The following SVIL variants were observed in gnomAD, a reference collection of about 807,000 sequenced individuals.
SVIL encodes the protein supervillin.
Under a neutral mutation model 240.4 loss-of-function variants are expected in SVIL, and 101 were observed. The ratio of observed to expected loss-of-function variants is 0.42; its 90% CI spans 0.36 to 0.50. The LOEUF (loss-of-function observed/expected upper bound fraction) is 0.50. Ranked by LOEUF, SVIL falls within the 20% of genes least tolerant of loss-of-function variation. The pLI, the probability that SVIL is intolerant of heterozygous loss-of-function variation, is 0.01. For synonymous variants in SVIL, 999 were observed against 1,100.0 expected (o/e 0.91, Z 1.82); for missense variants, 2,512 against 2,818.7 (o/e 0.89, Z 2.46).
At position 29,530,648 on chromosome 10, in the gene SVIL, G is replaced by A. The variant is rs776864308; in HGVS notation, c.2065C>T (p.Arg689Ter). The A allele has an allele frequency of 5.6e-6, 9 of 1,613,972 alleles. No homozygotes were observed. The highest frequency in any genetic ancestry group is 2.2e-5 in the East Asian group (1 of 44,902). ...TVDDEEKVDE[R>*]AKLSVAAKRL... ...TTGGCGGCGACGCTCAGCTTGGCTC[G>A]TTCATCCACCTTTTCTTCATCTGCA... Residue 689 changes from arginine to a stop codon, truncating the protein, a stop_gained, in exon 11 of 38, where the codon CGA becomes TGA. Coordinates refer to ENST00000355867, the MANE Select transcript of SVIL (RefSeq NM_021738.3). LOFTEE classifies it high-confidence loss of function.
intron 16 of SVIL, among the ~76,000 whole-genome samples, chr10:29,520,430 TCTC>T (rs1950487246): frequency 6.6e-6 from 1 of 152,166 alleles, no homozygotes; most frequent in African/African-American, 2.4e-5. Flanking sequence ...AAGACATCCC[TCTC>T]CTCATTGCAC....
intron 3 of SVIL, among the ~76,000 whole-genome samples, chr10:29,651,994 C>T (rs1564737024): frequency 6.6e-6 from 1 of 150,398 alleles, no homozygotes; most frequent in Middle Eastern, 3.4e-3. Flanking sequence ...GTTAACCGTC[C>T]AATATATGTA....
chr10:29,526,197 G>A (rs61846566), intron 13 of SVIL, among the ~76,000 whole-genome samples: 23,066 of 151,736 alleles, frequency 0.15, 2,552 homozygotes, highest in African/African-American at 0.31. Context: ...ATTGTTTTCA[G>A]TCTGTATTTG....
chr10:29,551,149 G>A lies in SVIL; in HGVS notation c.275C>T (p.Thr92Ile). 2 of 1,614,136 alleles carry A rather than the reference G, an allele frequency of 1.2e-6. No individual in the cohort carries two copies. The highest frequency in any genetic ancestry group is 1.7e-6 in the Non-Finnish European group (2 of 1,180,026). ...GGACTCCAGACTGTGGGTGTCCATG[G>A]TACCCGAACCATAGGGTGAGTCACC... ...VHGDSPYGSG[T>I]MDTHSLESKA... is the part of the protein sequence containing the mutation. The change falls in exon 6 of 38, where the codon ACC (threonine) becomes ATC (isoleucine). Residue 92 changes from threonine (T) to isoleucine (I), a missense_variant. By Grantham distance (89) the Thr-to-Ile change is moderately conservative. Transcript: ENST00000355867.
intron 1 of SVIL, chr10:29,686,765 C>T (rs1589513816): frequency 6.6e-6 from 1 of 152,208 alleles, no homozygotes; most frequent in African/African-American, 2.4e-5. Context: ...AAATACCGCA[C>T]TGCTTCTTAC....
At chr10:29,650,550 A>G (rs1958802823) in intron 3 of SVIL, among the ~76,000 whole-genome samples, 1 of 152,214 alleles carries the variant, frequency 6.6e-6, no homozygotes, top group East Asian at 1.9e-4. Context: ...TACCATAAAT[A>G]TGGTTGTATT....
At position 29,532,113 on chromosome 10, in the gene SVIL, T is replaced by C. The variant is rs990345660; in HGVS notation, c.1898A>G (p.Glu633Gly). 5 of 1,613,886 alleles carry C rather than the reference T, an allele frequency of 3.1e-6. No individual in the cohort carries two copies. The Admixed American group carries it at 5.0e-5, about 16-fold the overall frequency. Residue 633 changes from glutamate to glycine, a missense_variant, in exon 9 of 38, where the codon GAG becomes GGG. Glu to Gly is a moderately conservative substitution (Grantham distance 98). Around this residue, in one of 3 missense-constraint regions of SVIL, gnomAD observed 1,443 missense variants for 1,486.6 expected, o/e 0.97. Coordinates refer to ENST00000355867, the MANE Select transcript of SVIL (RefSeq NM_021738.3). ...GCGTCTTGGTTTCCGGGACCCTCTC[T>C]CCCGTTCCACACCGGTGGGCAAGCC... ...GPGLPTGVERERGSRKPRRYF... is the reference protein window; with the variant it reads ...GPGLPTGVERGRGSRKPRRYF...
intron 1 of SVIL, chr10:29,697,819 AAAC>A (rs905589449): frequency 1.9e-4 from 50 of 269,862 alleles, no homozygotes; most frequent in Middle Eastern, 1.1e-3. Flanking sequence ...ATTAAAAAGA[AAAC>A]AACAACAACA....
chr10:29,714,214 G>C (rs891303745), intron 1 of SVIL, among the ~76,000 whole-genome samples: 1 of 152,134 alleles, frequency 6.6e-6, no homozygotes, highest in Non-Finnish European at 1.5e-5. Flanking sequence ...CATTTAGATG[G>C]CCCCATAACA....
intron 6 of SVIL, chr10:29,545,104 G>T (rs771105972): frequency 1.7e-5 from 9 of 534,216 alleles, no homozygotes; most frequent in South Asian, 1.3e-4. Context: ...CTCTCCTGCA[G>T]ACACCTCTCT....
intron 16 of SVIL, among the ~76,000 whole-genome samples, chr10:29,513,209 G>A (rs1949976893): frequency 6.6e-6 from 1 of 152,144 alleles, no homozygotes; most frequent in Admixed American, 6.6e-5. Flanking sequence ...GACGCCTTCT[G>A]GTCACTTGTG....
intron 20 of SVIL, among the ~76,000 whole-genome samples, chr10:29,493,889 A>T (rs1353253632): frequency 6.6e-6 from 1 of 152,168 alleles, no homozygotes; most frequent in Non-Finnish European, 1.5e-5. Flanking sequence ...ATTTACAAAA[A>T]CAGGGCTGGG....
At chr10:29,651,651 T>TCTCTCTCTCTCTCTCTCTCTCTCTCTC (rs1554886954) in intron 3 of SVIL, among the ~76,000 whole-genome samples, 1 of 151,698 alleles carries the variant, frequency 6.6e-6, no homozygotes, top group Non-Finnish European at 1.5e-5. Flanking sequence ...TCTCTCTCTG[T>TCTCTCTCTCTCTCTCTCTCTCTCTCTC]TTTCATCCTT....
At chr10:29,580,348 T>A (rs891240124) in intron 1 of SVIL, among the ~76,000 whole-genome samples, 1 of 151,832 alleles carries the variant, frequency 6.6e-6, no homozygotes, top group African/African-American at 2.4e-5. Flanking sequence ...AAACCCTGTC[T>A]CTAAAAAAAT....
chr10:29,471,076 A>G, intron 31 of SVIL, 62 bp downstream of exon 31: 2 of 1,452,986 alleles, frequency 1.4e-6, no homozygotes, highest in South Asian at 2.4e-5. Context: ...CCCCCAGCTT[A>G]TAAAAATTCT....
intron 1 of SVIL, among the ~76,000 whole-genome samples, chr10:29,591,774 G>C (rs1057112731): frequency 6.6e-6 from 1 of 152,252 alleles, no homozygotes; most frequent in African/African-American, 2.4e-5. Flanking sequence ...CATCGGCCTT[G>C]CTGCATGAAG....
intron 35 of SVIL, 32 bp from the exon 36 acceptor site, chr10:29,462,433 C>T (rs1944373595): frequency 6.2e-7 from 1 of 1,600,588 alleles, no homozygotes; most frequent in Admixed American, 1.8e-5. Flanking sequence ...TGTCAGTAGA[C>T]CCCAGGGAGA....
chr10:29,490,865 G>T lies in SVIL; in HGVS notation c.4174C>A (p.Arg1392=), dbSNP rs758462023. ...RLNVAFMESK[R]MKVEKMSSNS... ...TACTCACTCTTTTCTACTTTCATCC[G>T]CTTTGACTCCATGAAGGCAACGTTT... The change falls in exon 22 of 38, where the codon CGG becomes AGG. Residue 1392 remains arginine, a synonymous_variant. Transcript: ENST00000355867. The T allele has an allele frequency of 6.2e-7, 1 of 1,613,848 alleles. No homozygotes were observed. The highest frequency in any genetic ancestry group is 2.2e-5 in the East Asian group (1 of 44,860).
At chr10:29,579,471 A>C (rs1955845576) in intron 1 of SVIL, among the ~76,000 whole-genome samples, 1 of 151,610 alleles carries the variant, frequency 6.6e-6, no homozygotes, top group Non-Finnish European at 1.5e-5. Context: ...AACAAAAAAC[A>C]AAAAACAAAA....
Sources: gnomAD v4.1 joint callset for allele counts (sites outside exome capture counted in the v4.1 genomes callset) on GRCh38, gnomAD v4.1.1 for gene constraint, gnomAD v4.1.1 regional missense constraint, MANE v1.5 for transcripts, NCBI Gene and HGNC (gene_info 2026-07-23, HGNC 2026-07-21) for gene names.